The following TENM4 variants were observed in gnomAD, a reference collection of about 807,000 sequenced individuals.
TENM4 encodes teneurin-4.
TENM4 carries 82 observed loss-of-function variants against 243.3 expected under a neutral mutation model. The ratio of observed to expected loss-of-function variants is 0.34; its 90% CI spans 0.28 to 0.40. The LOEUF (loss-of-function observed/expected upper bound fraction) is 0.40, where lower values mean the gene tolerates loss of function less well. Ranked by LOEUF, TENM4 falls within the 10% of genes least tolerant of loss-of-function variation. TENM4 has a pLI of 1.00. For synonymous variants in TENM4, 1,412 were observed against 1,456.3 expected (o/e 0.97, Z 0.69); for missense variants, 3,138 against 3,673.3 (o/e 0.85, Z 3.77).
Position 79,377,597 on chromosome 11 carries a change from C to T in TENM4, c.-321+62912G>A, listed in dbSNP as rs192204467. On this transcript the variant is annotated intron_variant, in intron 1 of 33. Transcript: ENST00000278550. ...AATCCCTAGTATAATGACAGGCACA[C>T]AGCAGTCGCTCCATGTAAATTACTT... Among the ~76,000 whole-genome samples the T allele has an allele frequency of 1.1e-3, 165 of 152,324 alleles. 1 individual carries two copies. The highest frequency in any genetic ancestry group is 3.8e-3 in the African/African-American group (157 of 41,574).
chr11:78,691,546 G>A (rs931087711), intron 28 of TENM4, among the ~76,000 whole-genome samples: 9 of 152,250 alleles, frequency 5.9e-5, no homozygotes, highest in Non-Finnish European at 1.0e-4. Flanking sequence ...TAACACTTTG[G>A]CAATCTCCCT....
intron 3 of TENM4, among the ~76,000 whole-genome samples, chr11:79,156,837 C>T (rs528602867): frequency 6.6e-6 from 1 of 152,294 alleles, no homozygotes; most frequent in East Asian, 1.9e-4. Flanking sequence ...TAAGGAAGCA[C>T]AAGGATCAAA....
chr11:79,361,597 G>A (rs1857590503), intron 1 of TENM4, among the ~76,000 whole-genome samples: 2 of 152,106 alleles, frequency 1.3e-5, no homozygotes, highest in South Asian at 2.1e-4. Context: ...TCCATTCATT[G>A]AACTCTTCAG....
chr11:79,025,480 C>T (rs1859055316), intron 6 of TENM4, among the ~76,000 whole-genome samples: 1 of 152,144 alleles, frequency 6.6e-6, no homozygotes, highest in South Asian at 2.1e-4. Context: ...GGGAGATTTG[C>T]CCAAGGCCAT....
At chr11:79,338,425 G>A (rs1449193530) in intron 1 of TENM4, among the ~76,000 whole-genome samples, 11 of 152,190 alleles carry the variant, frequency 7.2e-5, no homozygotes, top group African/African-American at 2.7e-4. Flanking sequence ...AAACGGGATG[G>A]CCCCTGACTG....
chr11:78,729,555 C>T lies in TENM4; in HGVS notation c.3227G>A (p.Arg1076Lys). The change falls in exon 22 of 34, where the codon AGG becomes AAG. Residue 1076 changes from arginine (R) to lysine (K), a missense_variant. Arg to Lys is a conservative substitution (Grantham distance 26, BLOSUM62 2). Transcript: ENST00000278550. The stretch of plus-strand genomic sequence containing the variant: ...GATGGTCGGGTGGGTGAGGCTGATC[C>T]TCAGGACAGATTTGTAGCCAGGGGT... The part of the protein sequence containing the change: ...SRTPGYKSVL[R>K]ISLTHPTIPF... 6.2e-7 allele frequency: 1 copy of T among 1,613,960 alleles called. No homozygotes were observed. The highest frequency in any genetic ancestry group is 8.5e-7 in the Non-Finnish European group (1 of 1,179,896).
intron 6 of TENM4, among the ~76,000 whole-genome samples, chr11:78,963,722 G>T (rs1202624863): frequency 3.1e-5 from 4 of 129,004 alleles, no homozygotes; most frequent in African/African-American, 5.8e-5. Context: ...GATTTGGCAG[G>T]TTCCATGACT....
At chr11:78,961,055 T>G (rs981334402) in intron 6 of TENM4, among the ~76,000 whole-genome samples, 22 of 152,234 alleles carry the variant, frequency 1.4e-4, no homozygotes, top group African/African-American at 5.3e-4. Flanking sequence ...GCAATAAAGC[T>G]TGTATGTAAT....
At chr11:79,436,827 A>G (rs531052185) in intron 1 of TENM4, among the ~76,000 whole-genome samples, 9 of 152,246 alleles carry the variant, frequency 5.9e-5, no homozygotes, top group South Asian at 2.1e-4. Context: ...CTAGAAAACC[A>G]AAGCTCTCCG....
At chr11:78,769,213 T>G (rs1856600442) in intron 18 of TENM4, among the ~76,000 whole-genome samples, 1 of 152,226 alleles carries the variant, frequency 6.6e-6, no homozygotes, top group South Asian at 2.1e-4. Context: ...GAGGAAATCA[T>G]GCAGATAATG....
Position 79,330,106 on chromosome 11 carries a change from G to A in TENM4, c.-320-32563C>T, listed in dbSNP as rs183465814. ...AAAAGCCCTGTTTGCCTATTTCCATGGTATAAACACTCTTACTGTGGCAGA... is the reference window on the plus strand; with the variant it reads ...AAAAGCCCTGTTTGCCTATTTCCATAGTATAAACACTCTTACTGTGGCAGA... On this transcript the variant is annotated intron_variant, in intron 1 of 33. Transcript: ENST00000278550. Among the ~76,000 whole-genome samples, 681 of 152,232 alleles carry A rather than the reference G, an allele frequency of 4.5e-3. 2 individuals carry two copies. The highest frequency in any genetic ancestry group is 5.2e-3 in the Non-Finnish European group (356 of 68,014).
intron 4 of TENM4, among the ~76,000 whole-genome samples, chr11:79,077,728 G>A (rs1591264769): frequency 6.6e-6 from 1 of 152,042 alleles, no homozygotes; most frequent in African/African-American, 2.4e-5. Flanking sequence ...AGAGGTTGGA[G>A]AGAAAGCTTG....
At position 79,330,267 on chromosome 11, in the gene TENM4, G is replaced by T. The variant is rs183323167; in HGVS notation, c.-320-32724C>A. 6.6e-5 allele frequency among the ~76,000 whole-genome samples: 10 copies of T among 152,324 alleles called. No individual in the cohort carries two copies. In the East Asian group the frequency reaches 1.9e-3, roughly 29 times the overall value. The stretch of plus-strand genomic sequence containing the variant: ...GGTAGACTTGATAAGCCTTGCTAAT[G>T]GACTGGCCATGGGAGTGAGGAAAAT... On this transcript the variant is annotated intron_variant, in intron 1 of 33. Coordinates refer to ENST00000278550, the MANE Select transcript of TENM4 (RefSeq NM_001098816.3).
chr11:78,933,944 TG>T (rs1363011873), intron 6 of TENM4, among the ~76,000 whole-genome samples: 2 of 152,076 alleles, frequency 1.3e-5, no homozygotes, highest in Non-Finnish European at 2.9e-5. Context: ...AATACCTTCC[TG>T]GGGAAAGGGG....
At chr11:79,206,284 C>T (rs906233015) in intron 3 of TENM4, among the ~76,000 whole-genome samples, 18 of 152,138 alleles carry the variant, frequency 1.2e-4, no homozygotes, top group African/African-American at 4.1e-4. Flanking sequence ...TCCTGAAGGC[C>T]TTGAGAGAGA....
At position 78,811,859 on chromosome 11, in the gene TENM4, A is replaced by G. The variant is rs145159019; in HGVS notation, c.1978+263T>C. Among the ~76,000 whole-genome samples, 493 of 152,344 alleles carry G rather than the reference A, an allele frequency of 3.2e-3. 4 individuals carry two copies. The highest frequency in any genetic ancestry group is 0.011 in the African/African-American group (469 of 41,568). On this transcript the variant is annotated intron_variant, in intron 14 of 33. Transcript: ENST00000278550. The stretch of plus-strand genomic sequence containing the variant: ...TCCTCCCTAATAAGGTTTGAATTAC[A>G]TGACTCGAGGCTTCTAGCACAGCCC...
chr11:79,135,568 C>A (rs1227227282), intron 4 of TENM4, among the ~76,000 whole-genome samples: 1 of 151,802 alleles, frequency 6.6e-6, no homozygotes, highest in Non-Finnish European at 1.5e-5. Context: ...TATAGCAGCA[C>A]AATTCACAAT....
chr11:79,143,075 G>C (rs1862321640), intron 4 of TENM4, among the ~76,000 whole-genome samples: 4 of 152,158 alleles, frequency 2.6e-5, no homozygotes, highest in Non-Finnish European at 5.9e-5. Flanking sequence ...TACGCTGTTG[G>C]TGGGAGTGTA....
intron 1 of TENM4, among the ~76,000 whole-genome samples, chr11:79,356,683 A>G (rs1198784335): frequency 9.2e-5 from 14 of 152,332 alleles, no homozygotes. Flanking sequence ...TGGTGTTCAC[A>G]AATGAGTCAA....
Sources: gnomAD v4.1 joint callset for allele counts (sites outside exome capture counted in the v4.1 genomes callset) on GRCh38, gnomAD v4.1.1 for gene constraint, MANE v1.5 for transcripts, NCBI Gene and HGNC (gene_info 2026-07-23, HGNC 2026-07-21) for gene names.